TBC1D30: variants seen among roughly 807,000 people sequenced by gnomAD.
The protein encoded by TBC1D30 is TBC1 domain family, member 30.
In TBC1D30, 31 loss-of-function variants were observed where a neutral mutation model predicts 63.2. That is an observed-to-expected ratio of 0.49 (90% CI 0.37 to 0.66). TBC1D30 has a LOEUF of 0.66. Among genes scored for constraint, TBC1D30 ranks in the 30% least tolerant of loss-of-function variants. The pLI, the probability that TBC1D30 is intolerant of heterozygous loss-of-function variation, is 0.00. For missense variants in TBC1D30, 810 were observed against 953.6 expected (o/e 0.85, Z 1.98); for synonymous variants, 307 against 361.5 (o/e 0.85, Z 1.71).
Position 64,824,714 on chromosome 12 carries a change from CG to C in TBC1D30, c.-165del. ...GCGCTCGGCGGCTCCCGCGGTGCCC[CG>C]TAAGTCCCCGTGACCCTCCAGCACC... On this transcript the variant is annotated 5_prime_UTR_variant, in exon 1 of 12. It removes the in-frame stop codon of an upstream open reading frame in the 5' UTR. Transcript: ENST00000539867. 1 of 949,762 alleles carries C rather than the reference CG, an allele frequency of 1.1e-6. No individual in the cohort carries two copies. The highest frequency in any genetic ancestry group is 1.5e-6 in the Non-Finnish European group (1 of 672,972). The allele number at this position is 949,762 out of a possible 1,614,324, so 58.8% of individuals were successfully genotyped here. A position where few individuals can be genotyped will look rare whatever the true frequency, so the allele number is the denominator to read the frequency against.
intron 1 of TBC1D30, chr12:64,759,796 A>G (rs547239246): frequency 1.5e-4 from 23 of 158,352 alleles, no homozygotes; most frequent in Non-Finnish European, 2.2e-4. Context: ...AAGGAAGAGA[A>G]AGGAGGACTG....
At position 64,843,431 on chromosome 12, in the gene TBC1D30, C is replaced by T; in HGVS notation, c.984C>T (p.Arg328=). Residue 328 remains arginine, a synonymous_variant, in exon 8 of 12, where the codon CGC becomes CGT. Coordinates refer to ENST00000539867, the MANE Select transcript of TBC1D30 (RefSeq NM_015279.2). ...TADEFYSTMG[R]LTQEMLENDL... ...ATGAATTCTACAGCACCATGGGGCG[C>T]CTTACCCAGGAGATGCTAGAGAATG... is the stretch of plus-strand genomic sequence containing the variant. The T allele has an allele frequency of 1.3e-6, 2 of 1,536,284 alleles. No individual in the cohort carries two copies. Among genetic ancestry groups the T allele is most frequent in the Non-Finnish European group, 1.7e-6 (2 of 1,146,938 alleles).
intron 1 of TBC1D30, among the ~76,000 whole-genome samples, chr12:64,763,466 G>A (rs953707522): frequency 6.6e-6 from 1 of 152,054 alleles, no homozygotes; most frequent in Non-Finnish European, 1.5e-5. Flanking sequence ...TATAGAGTGT[G>A]AAATGATTAT....
At chr12:64,773,539 A>G (rs1870978457) in intron 1 of TBC1D30, among the ~76,000 whole-genome samples, 1 of 152,156 alleles carries the variant, frequency 6.6e-6, no homozygotes, top group South Asian at 2.1e-4. Context: ...TGACTGGGTG[A>G]GATCTCCCAA....
In TBC1D30 at chr12:64,875,667, C is replaced by T; in HGVS notation, c.2165C>T (p.Ala722Val). Residue 722 changes from alanine (A) to valine (V), a missense_variant, in exon 12 of 12, where the codon GCT (alanine) becomes GTT (valine). Ala to Val is a moderately conservative substitution (Grantham distance 64). This residue lies in a region of TBC1D30 where 450 missense variants were observed against 473.0 expected (regional missense o/e 0.95). Coordinates refer to ENST00000539867, the MANE Select transcript of TBC1D30 (RefSeq NM_015279.2). ...AGCGTCAAGCCCCTGCGGAAATCTG[C>T]TACTGCCAGGAACTTGGGATTATAT... is the stretch of plus-strand genomic sequence containing the variant. ...FPSVKPLRKS[A>V]TARNLGLYGP... 1 of 1,536,440 alleles carries T rather than the reference C, an allele frequency of 6.5e-7. No individual in the cohort carries two copies. The highest frequency in any genetic ancestry group is 8.7e-7 in the Non-Finnish European group (1 of 1,146,980).
chr12:64,807,688 A>G (rs1026561945), intron 2 of TBC1D30, among the ~76,000 whole-genome samples: 1 of 152,196 alleles, frequency 6.6e-6, no homozygotes, highest in Non-Finnish European at 1.5e-5. Flanking sequence ...AAGCTAAAGC[A>G]TCCTTTCCCA....
At chr12:64,786,478 C>T (rs572682954) in intron 2 of TBC1D30, among the ~76,000 whole-genome samples, 13 of 151,988 alleles carry the variant, frequency 8.6e-5, no homozygotes, top group Non-Finnish European at 1.6e-4. Flanking sequence ...ACTACAGGCG[C>T]CCGCCACCAG....
chr12:64,865,118 G>T (rs1018042865), intron 9 of TBC1D30, among the ~76,000 whole-genome samples: 1 of 151,414 alleles, frequency 6.6e-6, no homozygotes, highest in Non-Finnish European at 1.5e-5. Context: ...ACCAAAAATT[G>T]ACAATTGATA....
chr12:64,795,168 G>C (rs1233097295), intron 2 of TBC1D30, among the ~76,000 whole-genome samples: 1 of 152,180 alleles, frequency 6.6e-6, no homozygotes, highest in South Asian at 2.1e-4. Flanking sequence ...TGGGCCCTTT[G>C]TTGTGGAACC....
At position 64,856,893 on chromosome 12, in the gene TBC1D30, G is replaced by T. The variant is rs576446289; in HGVS notation, c.1039-7775G>T. Among the ~76,000 whole-genome samples, 177 of 152,238 alleles carry T rather than the reference G, an allele frequency of 1.2e-3. 1 individual carries two copies. Among genetic ancestry groups the T allele is most frequent in the Middle Eastern group, 3.4e-3 (1 of 294 alleles). The stretch of plus-strand genomic sequence containing the variant: ...CACCACCACCACTAGTCCATAGGGG[G>T]TTCTGCTGGGCCACTACCAATGTTT... On this transcript the variant is annotated intron_variant, in intron 8 of 11. Coordinates refer to ENST00000539867, the MANE Select transcript of TBC1D30 (RefSeq NM_015279.2).
At chr12:64,857,913 A>G (rs1877447063) in intron 8 of TBC1D30, among the ~76,000 whole-genome samples, 1 of 151,382 alleles carries the variant, frequency 6.6e-6, no homozygotes, top group Non-Finnish European at 1.5e-5. Context: ...TAGTCACTGC[A>G]CTCTCCCATC....
chr12:64,790,163 A>G lies in TBC1D30; in HGVS notation c.643+4118A>G, dbSNP rs535768485. ...AACTGAGCAAGAATAAATTTATAACATGAGTTATAAATACAGAGTTTCTGG... is the reference window on the plus strand; with the variant it reads ...AACTGAGCAAGAATAAATTTATAACGTGAGTTATAAATACAGAGTTTCTGG... On this transcript the variant is annotated intron_variant, in intron 2 of 12. Transcript: ENST00000542120. Among the ~76,000 whole-genome samples the G allele has an allele frequency of 4.6e-5, 7 of 152,332 alleles. No homozygotes were observed. In the South Asian group the frequency reaches 1.5e-3, roughly 32 times the overall value.
chr12:64,878,791 G>C lies in TBC1D30; in HGVS notation c.*3003G>C. ...CTATCTCCCCCAGTCTAATCGCTGG[G>C]TTGCAGGGTGGCCTGTGACCTGCCC... is the stretch of plus-strand genomic sequence containing the variant. On this transcript the variant is annotated 3_prime_UTR_variant, in exon 12 of 12. Transcript: ENST00000539867. 3.6e-6 allele frequency: 1 copy of C among 280,960 alleles called. No homozygotes were observed. The highest frequency in any genetic ancestry group is 3.7e-5 in the South Asian group (1 of 26,944). The allele number at this position is 280,960 out of a possible 1,614,324, so 17.4% of individuals were successfully genotyped here.
intron 7 of TBC1D30, among the ~76,000 whole-genome samples, chr12:64,840,581 A>G (rs1473535537): frequency 6.6e-6 from 1 of 152,224 alleles, no homozygotes; most frequent in Non-Finnish European, 1.5e-5. Context: ...GGATAAACTC[A>G]TGTATTCTTC....
intron 8 of TBC1D30, among the ~76,000 whole-genome samples, chr12:64,856,785 T>A (rs953610551): frequency 1.2e-4 from 18 of 152,310 alleles, no homozygotes; most frequent in African/African-American, 4.3e-4. Context: ...CTACTGCAGC[T>A]AAGCTGACAC....
chr12:64,798,428 A>G (rs1872404750), intron 2 of TBC1D30, among the ~76,000 whole-genome samples: 1 of 152,186 alleles, frequency 6.6e-6, no homozygotes. Flanking sequence ...TTGACATTCC[A>G]ATGAGTCTTA....
Position 64,875,052 on chromosome 12 carries a change from T to G in TBC1D30, c.1550T>G (p.Val517Gly). The stretch of plus-strand genomic sequence containing the variant: ...CCGTCTCAGGTAAACAGTTCTCCAG[T>G]TATAAACCACCTTCTTTTAGGAAAG... ...ILPSQVNSSPVINHLLLGKKM... is the reference protein window; with the variant it reads ...ILPSQVNSSPGINHLLLGKKM... Residue 517 changes from valine (V) to glycine (G), a missense_variant, in exon 12 of 12, where the codon GTT becomes GGT. Coordinates refer to ENST00000539867, the MANE Select transcript of TBC1D30 (RefSeq NM_015279.2). 2.0e-6 allele frequency: 3 copies of G among 1,536,704 alleles called. No homozygotes were observed. Among genetic ancestry groups the G allele is most frequent in the Non-Finnish European group, 2.6e-6 (3 of 1,147,036 alleles).
chr12:64,867,149 C>A (rs1228348609), intron 10 of TBC1D30, among the ~76,000 whole-genome samples: 5 of 151,950 alleles, frequency 3.3e-5, no homozygotes, highest in Admixed American at 6.6e-5. Context: ...CAGTCTCTAC[C>A]AAACAACAAC....
intron 8 of TBC1D30, among the ~76,000 whole-genome samples, chr12:64,858,899 A>G (rs1219713657): frequency 6.6e-6 from 1 of 152,092 alleles, no homozygotes. Context: ...GGAAGAGAGA[A>G]GACCTCATCT....
Sources: gnomAD v4.1 joint callset for allele counts (sites outside exome capture counted in the v4.1 genomes callset) on GRCh38, gnomAD v4.1.1 for gene constraint, gnomAD v4.1.1 regional missense constraint, MANE v1.5 for transcripts, NCBI Gene and HGNC (gene_info 2026-07-23, HGNC 2026-07-21) for gene names.